LANCL3: variants seen among roughly 807,000 people sequenced by gnomAD.
The protein encoded by LANCL3 is LanC like family member 3.
LANCL3 carries 19 observed loss-of-function variants against 26.5 expected under a neutral mutation model. That is an observed-to-expected ratio of 0.72 (90% CI 0.50 to 1.05). The LOEUF (loss-of-function observed/expected upper bound fraction) is 1.05. Ranked by LOEUF, LANCL3 falls within the 50% of genes least tolerant of loss-of-function variation. LANCL3 has a pLI of 0.00. For synonymous variants in LANCL3, 160 were observed against 166.6 expected (o/e 0.96, Z 0.30); for missense variants, 318 against 362.7 (o/e 0.88, Z 1.00).
rs139962306 is a variant in LANCL3 at position 37,659,605 on chromosome X, G to C, written c.841G>C (p.Gly281Arg). ...AAACTGCAACTGGCCACCTGAGCTC[G>C]GCGAGACCATCGAGAGAGAGAATGA... Reference protein sequence around the residue: ...EQNCNWPPELGETIERENELV... With the variant: ...EQNCNWPPELRETIERENELV... Residue 281 changes from glycine to arginine, a missense_variant, in exon 3 of 5, where the codon GGC (glycine) becomes CGC (arginine). Transcript: ENST00000378619. 2.1e-5 allele frequency: 25 copies of C among 1,208,116 alleles called. No homozygotes were observed. In the East Asian group the frequency reaches 7.4e-4, roughly 36 times the overall value.
At chrX:37,619,442 C>T (rs1925095166) in intron 1 of LANCL3, among the ~76,000 whole-genome samples, 1 of 110,822 alleles carries the variant, frequency 9.0e-6, no homozygotes, top group African/African-American at 3.3e-5. Flanking sequence ...AGAGTTCATA[C>T]AACACTGAGC....
At chrX:37,580,963 T>A (rs1923876476) in intron 1 of LANCL3, among the ~76,000 whole-genome samples, 1 of 111,963 alleles carries the variant, frequency 8.9e-6, no homozygotes, top group South Asian at 3.8e-4. Context: ...AAATCTGTGA[T>A]TTCAATTGGT....
intron 4 of LANCL3, chrX:37,668,275 A>ATATATATATATC (rs1226711668): frequency 6.2e-6 from 1 of 161,568 alleles, no homozygotes; most frequent in African/African-American, 3.4e-5. Flanking sequence ...ATATATATAT[A>ATATATATATATC]TCCTAGTTAT....
chrX:37,638,731 A>G (rs1228943579), intron 1 of LANCL3, among the ~76,000 whole-genome samples: 3 of 111,431 alleles, frequency 2.7e-5, no homozygotes, highest in Non-Finnish European at 3.8e-5. Flanking sequence ...TAACCAGATC[A>G]ATATACAGAG....
At chrX:37,642,720 G>A (rs892028102) in intron 1 of LANCL3, among the ~76,000 whole-genome samples, 37 of 111,862 alleles carry the variant, frequency 3.3e-4, no homozygotes, top group African/African-American at 1.1e-3. Context: ...ACTTGGCAAG[G>A]GACAATGGGA....
chrX:37,617,178 A>G (rs1556421786), intron 1 of LANCL3, among the ~76,000 whole-genome samples: 1 of 110,941 alleles, frequency 9.0e-6, no homozygotes, highest in Non-Finnish European at 1.9e-5. Context: ...AGTTGGAGAG[A>G]CTGGTGAATG....
At position 37,574,911 on chromosome X, in the gene LANCL3, G is replaced by A. The variant is rs202071271; in HGVS notation, c.573+2468G>A. Among the ~76,000 whole-genome samples, 871 of 99,547 alleles carry A rather than the reference G, an allele frequency of 8.7e-3. 19 individuals carry two copies. The highest frequency in any genetic ancestry group is 0.036 in the African/African-American group (835 of 23,366). The allele number at this position is 99,547 out of a possible 115,157, so 86.4% of individuals were successfully genotyped here. On this transcript the variant is annotated intron_variant, in intron 1 of 4. Coordinates refer to ENST00000378619, the MANE Select transcript of LANCL3 (RefSeq NM_001170331.2). ...TAGGTGTGTGTGTGTGTGTGTGTGTGTATGTATATATATATATATATAATT... is the reference window on the plus strand; with the variant it reads ...TAGGTGTGTGTGTGTGTGTGTGTGTATATGTATATATATATATATATAATT...
intron 1 of LANCL3, among the ~76,000 whole-genome samples, chrX:37,594,121 GAA>G (rs1924360154): frequency 9.0e-6 from 1 of 111,480 alleles, no homozygotes; most frequent in South Asian, 3.8e-4. Flanking sequence ...AATGAAAAGT[GAA>G]AAGATAGATG....
At chrX:37,603,641 G>A (rs781874228) in intron 1 of LANCL3, among the ~76,000 whole-genome samples, 1 of 112,542 alleles carries the variant, frequency 8.9e-6, no homozygotes, top group South Asian at 3.7e-4. Context: ...GGCAAATCAT[G>A]CCTACATTCC....
intron 1 of LANCL3, among the ~76,000 whole-genome samples, chrX:37,655,459 G>A (rs1926258943): frequency 8.9e-6 from 1 of 112,316 alleles, no homozygotes; most frequent in South Asian, 3.7e-4. Context: ...CTGTAAAGGT[G>A]TGTGTTTTCC....
Position 37,572,005 on chromosome X carries a change from C to T in LANCL3, c.135C>T (p.Leu45=), listed in dbSNP as rs782217605. ...IERILQELPP[L]GGGAEARGAT... ...GCATCCTCCAGGAGCTTCCCCCACT[C>T]GGGGGCGGCGCGGAGGCCCGAGGGG... The change falls in exon 1 of 5, where the codon CTC becomes CTT. Residue 45 remains leucine (L), a synonymous_variant. Coordinates refer to ENST00000378619, the MANE Select transcript of LANCL3 (RefSeq NM_001170331.2). 2 of 1,186,976 alleles carry T rather than the reference C, an allele frequency of 1.7e-6. No homozygotes were observed. Among genetic ancestry groups the T allele is most frequent in the South Asian group, 1.8e-5 (1 of 54,495 alleles).
intron 2 of LANCL3, among the ~76,000 whole-genome samples, chrX:37,657,269 G>A (rs1331206885): frequency 3.5e-5 from 4 of 112,853 alleles, no homozygotes; most frequent in Non-Finnish European, 5.6e-5. Flanking sequence ...TATGAAGCGG[G>A]AGCAAAGATG....
rs149583232 is a variant in LANCL3 at position 37,587,759 on chromosome X, C to A, written c.573+15316C>A. Among the ~76,000 whole-genome samples, 758 of 112,258 alleles carry A rather than the reference C, an allele frequency of 6.8e-3. 4 individuals carry two copies. Among genetic ancestry groups the A allele is most frequent in the African/African-American group, 0.023 (702 of 30,917 alleles). On this transcript the variant is annotated intron_variant, in intron 1 of 4. Coordinates refer to ENST00000378619, the MANE Select transcript of LANCL3 (RefSeq NM_001170331.2). ...TTGTGCTTCCCGGGTGAGGGGATGC[C>A]TCACCCTGCTTTGGCTCACACTTGG...
At chrX:37,597,758 C>T (rs73470154) in intron 1 of LANCL3, among the ~76,000 whole-genome samples, 1,833 of 95,657 alleles carry the variant, frequency 0.019, 67 homozygotes, top group African/African-American at 0.068. Flanking sequence ...CTCAAGCCAT[C>T]TTTCAGCCTC....
intron 1 of LANCL3, among the ~76,000 whole-genome samples, chrX:37,617,067 C>A (rs1248958733): frequency 1.2e-5 from 1 of 84,948 alleles, no homozygotes; most frequent in Non-Finnish European, 2.1e-5. Flanking sequence ...TGTGAATAAT[C>A]AAATCTGATA....
chrX:37,601,891 C>T (rs782564843), intron 1 of LANCL3, among the ~76,000 whole-genome samples: 6 of 111,807 alleles, frequency 5.4e-5, no homozygotes, highest in Non-Finnish European at 9.4e-5. Context: ...ATCTGGCCTA[C>T]CTTGAAAAAT....
At chrX:37,613,084 C>T (rs1244974802) in intron 1 of LANCL3, among the ~76,000 whole-genome samples, 3 of 110,792 alleles carry the variant, frequency 2.7e-5, no homozygotes, top group African/African-American at 9.9e-5. Context: ...GAGAGGTTGC[C>T]GTCTTAGAAA....
intron 1 of LANCL3, among the ~76,000 whole-genome samples, chrX:37,590,708 A>G (rs1924247913): frequency 8.9e-6 from 1 of 112,068 alleles, no homozygotes; most frequent in African/African-American, 3.2e-5. Flanking sequence ...TCAGTACCAC[A>G]CCAACTGGGT....
chrX:37,627,819 C>A (rs1443237104), intron 1 of LANCL3, among the ~76,000 whole-genome samples: 1 of 112,112 alleles, frequency 8.9e-6, no homozygotes, highest in Non-Finnish European at 1.9e-5. Flanking sequence ...AGTAAGCCCA[C>A]AACCTCTGCC....
Sources: gnomAD v4.1 joint callset for allele counts (sites outside exome capture counted in the v4.1 genomes callset) on GRCh38, gnomAD v4.1.1 for gene constraint, MANE v1.5 for transcripts, NCBI Gene and HGNC (gene_info 2026-07-23, HGNC 2026-07-21) for gene names.